The following ABL2 variants were observed in gnomAD, a reference collection of about 807,000 sequenced individuals.
The protein encoded by ABL2 is tyrosine-protein kinase ABL2.
ABL2 carries 49 observed loss-of-function variants against 107.7 expected under a neutral mutation model. The ratio of observed to expected loss-of-function variants is 0.45; its 90% CI spans 0.36 to 0.58. The LOEUF is 0.58. Ranked by LOEUF, ABL2 falls within the 20% of genes least tolerant of loss-of-function variation. The probability of loss-of-function intolerance (pLI) is 0.00; values close to 1 mark genes in which losing one functional copy is unlikely to be tolerated. For synonymous variants in ABL2, 549 were observed against 548.6 expected, an observed-to-expected ratio of 1.00 and a Z score of -0.01; for missense variants, 1,245 against 1,457.0, an observed-to-expected ratio of 0.85 and a Z score of 2.37.
chr1:179,110,163 G>T (rs554448079), intron 11 of ABL2, 119 bp downstream of exon 11: 1 of 1,247,912 alleles, frequency 8.0e-7, no homozygotes, highest in South Asian at 1.3e-5. Flanking sequence ...GTGGGTAAAA[G>T]AGACGCCATG....
intron 1 of ABL2, among the ~76,000 whole-genome samples, chr1:179,224,118 G>A (rs181306429): frequency 5.7e-5 from 6 of 105,226 alleles, no homozygotes; most frequent in African/African-American, 1.9e-4. Context: ...GCAAGAGAGT[G>A]AGACCCTACT....
intron 1 of ABL2, among the ~76,000 whole-genome samples, chr1:179,212,557 A>G (rs182355773): frequency 6.6e-6 from 1 of 151,830 alleles, no homozygotes; most frequent in Non-Finnish European, 1.5e-5. Flanking sequence ...ACATGGAGAA[A>G]CCCTGTCTCT....
At position 179,148,342 on chromosome 1, in the gene ABL2, G is replaced by A. The variant is rs573646338; in HGVS notation, c.158-14968C>T. Reference sequence around the variant, plus strand: ...GGGTGTGAACCACCGCACCTGGCTAGCACCATTTTTCCATCAAGTGCTCAC... The same window carrying A: ...GGGTGTGAACCACCGCACCTGGCTAACACCATTTTTCCATCAAGTGCTCAC... On this transcript the variant is annotated intron_variant, in intron 1 of 11. Transcript: ENST00000502732. Among the ~76,000 whole-genome samples, 16 of 152,228 alleles carry A rather than the reference G, an allele frequency of 1.1e-4. No homozygotes were observed. The South Asian group carries it at 3.3e-3, about 32-fold the overall frequency.
intron 1 of ABL2, among the ~76,000 whole-genome samples, chr1:179,187,889 C>G (rs1660765111): frequency 6.6e-6 from 1 of 152,156 alleles, no homozygotes; most frequent in East Asian, 1.9e-4. Flanking sequence ...ACCCTATAAA[C>G]TCTCCAAAAG....
intron 1 of ABL2, among the ~76,000 whole-genome samples, chr1:179,195,948 T>G (rs901021632): frequency 6.6e-6 from 1 of 152,210 alleles, no homozygotes; most frequent in African/African-American, 2.4e-5. Context: ...AAAAGAGTTC[T>G]GGAGATGGAT....
At position 179,223,412 on chromosome 1, in the gene ABL2, C is replaced by CAA. The variant is rs34625592; in HGVS notation, c.157+5827_157+5828dup. On this transcript the variant is annotated intron_variant, in intron 1 of 11. Transcript: ENST00000502732. The stretch of plus-strand genomic sequence containing the variant: ...TAGGCAACAGAGCAAGACCCTGTCT[C>CAA]AAAAAAAAAAAAAAACCACCTAAGT... Among the ~76,000 whole-genome samples the CAA allele has an allele frequency of 1.3e-3, 167 of 132,322 alleles. 1 individual carries two copies. Among genetic ancestry groups the CAA allele is most frequent in the Middle Eastern group, 4.1e-3 (1 of 242 alleles). 86.8% of individuals were successfully genotyped at this position (132,322 alleles called of 152,430 possible).
chr1:179,211,489 C>T (rs905107479), intron 1 of ABL2, among the ~76,000 whole-genome samples: 1 of 151,798 alleles, frequency 6.6e-6, no homozygotes, highest in Non-Finnish European at 1.5e-5. Context: ...CGCACTTCAG[C>T]CTGAGCAACA....
intron 3 of ABL2, among the ~76,000 whole-genome samples, chr1:179,130,726 T>TTGTGTGTGTGTGTGTGTG (rs10643666): frequency 3.5e-5 from 5 of 142,722 alleles, no homozygotes; most frequent in African/African-American, 1.3e-4. Context: ...ATTATTGATT[T>TTGTGTGTGTGTGTGTGTG]TGTGTGTGTG....
At chr1:179,134,931 T>C (rs1012084743) in intron 1 of ABL2, among the ~76,000 whole-genome samples, 1 of 152,216 alleles carries the variant, frequency 6.6e-6, no homozygotes, top group Non-Finnish European at 1.5e-5. Context: ...GGGGTTTCGC[T>C]GTGTTGGCCG....
chr1:179,151,073 A>AAC (rs1658328798), intron 1 of ABL2, among the ~76,000 whole-genome samples: 1 of 152,254 alleles, frequency 6.6e-6, no homozygotes, highest in Non-Finnish European at 1.5e-5. Flanking sequence ...GTATAGCATG[A>AAC]ACACGACTTT....
Position 179,101,463 on chromosome 1 carries a change from G to A in ABL2, c.*6255C>T, listed in dbSNP as rs1028178134. 1 of 175,386 alleles carries A rather than the reference G, an allele frequency of 5.7e-6. No homozygotes were observed. The highest frequency in any genetic ancestry group is 9.7e-5 in the East Asian group (1 of 10,312). 10.9% of individuals were successfully genotyped at this position (175,386 alleles called of 1,614,324 possible). A position where few individuals can be genotyped will look rare whatever the true frequency, so the allele number is the denominator to read the frequency against. ...GCGATCTCAGCTCACTGCAACCTCC[G>A]CCTCCTGGGTTCAAGCAATTCTGCC... is the stretch of plus-strand genomic sequence containing the variant. On this transcript the variant is annotated 3_prime_UTR_variant, in exon 12 of 12. Transcript: ENST00000502732.
At chr1:179,213,060 A>G (rs1239750692) in intron 1 of ABL2, among the ~76,000 whole-genome samples, 1 of 145,306 alleles carries the variant, frequency 6.9e-6, no homozygotes, top group Non-Finnish European at 1.5e-5. Flanking sequence ...AAAAAAAAAA[A>G]AAAAGAAATA....
intron 1 of ABL2, among the ~76,000 whole-genome samples, chr1:179,170,043 C>T (rs557843100): frequency 7.9e-5 from 12 of 152,014 alleles, no homozygotes; most frequent in Non-Finnish European, 1.6e-4. Flanking sequence ...ACAACAACAA[C>T]GACAACAACA....
chr1:179,108,651 T>A lies in ABL2; in HGVS notation c.2616A>T (p.Thr872=). The change falls in exon 12 of 12, where the codon ACA becomes ACT. Residue 872 remains threonine (T), a synonymous_variant. Coordinates refer to ENST00000502732, the MANE Select transcript of ABL2 (RefSeq NM_007314.4). ...CTCCCACCCCTGGAGGGTCCTTCTC[T>A]GTAATGGCTAGATCCCCAGAGGGTG... ...LRTPSGDLAI[T]EKDPPGVGVA... 1 of 1,614,218 alleles carries A rather than the reference T, an allele frequency of 6.2e-7. No individual in the cohort carries two copies. The highest frequency in any genetic ancestry group is 8.5e-7 in the Non-Finnish European group (1 of 1,180,032).
intron 1 of ABL2, among the ~76,000 whole-genome samples, chr1:179,165,851 A>C (rs1186077950): frequency 6.6e-6 from 1 of 151,228 alleles, no homozygotes; most frequent in East Asian, 1.9e-4. Flanking sequence ...GCTGGAGTGT[A>C]GTGGCGCGAC....
intron 1 of ABL2, among the ~76,000 whole-genome samples, chr1:179,196,819 C>T (rs1303804893): frequency 1.3e-5 from 2 of 150,732 alleles, no homozygotes; most frequent in Non-Finnish European, 3.0e-5. Context: ...TGTACATTTT[C>T]AAATGGTTAA....
chr1:179,158,055 G>C (rs905131287), intron 1 of ABL2, among the ~76,000 whole-genome samples: 1 of 152,128 alleles, frequency 6.6e-6, no homozygotes, highest in Admixed American at 6.6e-5. Context: ...GGTGGAATAC[G>C]GTGTTCACAA....
Position 179,131,082 on chromosome 1 carries a change from AG to A in ABL2, c.391+228del, listed in dbSNP as rs200200603. The A allele has an allele frequency of 7.8e-3, 2,322 of 298,328 alleles. 43 individuals carry two copies. Among genetic ancestry groups the A allele is most frequent in the African/African-American group, 0.042 (1,993 of 47,422 alleles). 18.5% of individuals were successfully genotyped at this position (298,328 alleles called of 1,614,324 possible). Reference sequence around the variant, plus strand: ...CAGCCTCCTGAGTAGCTGGGACTACAGGCATGGGCTACCACGCCTGACTAAT... The same window carrying A: ...CAGCCTCCTGAGTAGCTGGGACTACAGCATGGGCTACCACGCCTGACTAAT... On this transcript the variant is annotated intron_variant, in intron 3 of 11. Coordinates refer to ENST00000502732, the MANE Select transcript of ABL2 (RefSeq NM_007314.4).
intron 1 of ABL2, among the ~76,000 whole-genome samples, chr1:179,154,762 C>T (rs1487916183): frequency 6.6e-6 from 1 of 152,172 alleles, no homozygotes; most frequent in African/African-American, 2.4e-5. Flanking sequence ...AGCATCCCTT[C>T]TCATTATTTA....
Sources: gnomAD v4.1 joint callset for allele counts (sites outside exome capture counted in the v4.1 genomes callset) on GRCh38, gnomAD v4.1.1 for gene constraint, MANE v1.5 for transcripts, NCBI Gene and HGNC (gene_info 2026-07-23, HGNC 2026-07-21) for gene names.